TNFSF4: variants seen among roughly 807,000 people sequenced by gnomAD.
TNFSF4 encodes TNF superfamily member 4.
A neutral mutation model predicts 7.3 loss-of-function variants in TNFSF4; 4 were observed. The ratio of observed to expected loss-of-function variants is 0.55; its 90% CI spans 0.27 to 1.25. TNFSF4 has a LOEUF of 1.25. Ranked by LOEUF, TNFSF4 falls within the 50% of genes most tolerant of loss-of-function variation. TNFSF4 has a pLI of 0.12. For synonymous variants in TNFSF4, 76 were observed against 83.7 expected, an observed-to-expected ratio of 0.91 and a Z score of 0.50; for missense variants, 181 against 208.8, an observed-to-expected ratio of 0.87 and a Z score of 0.82.
the TNFSF4 span, among the ~76,000 whole-genome samples, chr1:173,230,981 A>T: frequency 2.0e-5 from 3 of 152,220 alleles, no homozygotes; most frequent in African/African-American, 7.2e-5. Context: ...AAAGCCCAGC[A>T]CCAGATGGAT....
the TNFSF4 span, among the ~76,000 whole-genome samples, chr1:173,214,597 G>C: frequency 6.6e-6 from 1 of 152,184 alleles, no homozygotes; most frequent in South Asian, 2.1e-4. Flanking sequence ...AAAAAGAATT[G>C]CAAAAATGTC....
the TNFSF4 span, among the ~76,000 whole-genome samples, chr1:173,178,010 T>A: frequency 0.18 from 27,882 of 152,130 alleles, 2,725 homozygotes; most frequent in Middle Eastern, 0.26. Context: ...ACCATTAATA[T>A]CATTAGTAAG....
the TNFSF4 span, among the ~76,000 whole-genome samples, chr1:173,302,060 G>C: frequency 6.6e-6 from 1 of 151,738 alleles, no homozygotes; most frequent in Non-Finnish European, 1.5e-5. Flanking sequence ...CTTTTTAAAC[G>C]GCCTTTAATA....
chr1:173,389,812 G>C, the TNFSF4 span, among the ~76,000 whole-genome samples: 1 of 152,040 alleles, frequency 6.6e-6, no homozygotes, highest in Non-Finnish European at 1.5e-5. Flanking sequence ...TCTAATGTCA[G>C]TGACTACTAT....
chr1:173,300,572 T>C, the TNFSF4 span, among the ~76,000 whole-genome samples: 1 of 151,886 alleles, frequency 6.6e-6, no homozygotes, highest in Non-Finnish European at 1.5e-5. Context: ...CTGGATTTTG[T>C]TGATCACTGG....
chr1:173,229,683 G>A, the TNFSF4 span, among the ~76,000 whole-genome samples: 3 of 152,094 alleles, frequency 2.0e-5, no homozygotes, highest in Admixed American at 6.5e-5. Context: ...GTATTCAGGA[G>A]ACCCATCTCA....
chr1:173,428,201 T>A, the TNFSF4 span, among the ~76,000 whole-genome samples: 1 of 152,210 alleles, frequency 6.6e-6, no homozygotes, highest in Non-Finnish European at 1.5e-5. Flanking sequence ...CGCCTCAGCC[T>A]CCCAAAGTGC....
chr1:173,347,905 G>T, the TNFSF4 span, among the ~76,000 whole-genome samples: 1 of 152,188 alleles, frequency 6.6e-6, no homozygotes, highest in Non-Finnish European at 1.5e-5. Context: ...TTTCAAGTGT[G>T]ACAACCAAAA....
the TNFSF4 span, among the ~76,000 whole-genome samples, chr1:173,249,298 T>C: frequency 1.3e-5 from 2 of 152,198 alleles, no homozygotes; most frequent in Non-Finnish European, 2.9e-5. Context: ...AGAGGACTTG[T>C]GAATGCCGAA....
chr1:173,262,065 G>T, the TNFSF4 span, among the ~76,000 whole-genome samples: 1 of 152,008 alleles, frequency 6.6e-6, no homozygotes, highest in Non-Finnish European at 1.5e-5. Flanking sequence ...GATGAACATC[G>T]ATGCAAAAAT....
chr1:173,243,526 T>C, the TNFSF4 span, among the ~76,000 whole-genome samples: 2 of 152,200 alleles, frequency 1.3e-5, no homozygotes, highest in African/African-American at 4.8e-5. Flanking sequence ...TACTATGCAG[T>C]GGATACATGA....
the TNFSF4 span, among the ~76,000 whole-genome samples, chr1:173,394,635 A>C: frequency 6.6e-6 from 1 of 152,108 alleles, no homozygotes; most frequent in Non-Finnish European, 1.5e-5. Context: ...AAGAAAGGAG[A>C]ATTCACCCCT....
At chr1:173,212,419 C>G in the TNFSF4 span, among the ~76,000 whole-genome samples, 1 of 152,044 alleles carries the variant, frequency 6.6e-6, no homozygotes, top group Non-Finnish European at 1.5e-5. Flanking sequence ...TCTCTTTCAC[C>G]ATTACTTTCT....
At chr1:173,259,324 A>AC in the TNFSF4 span, among the ~76,000 whole-genome samples, 57,177 of 151,994 alleles carry the variant, frequency 0.38, 10,928 homozygotes, top group Admixed American at 0.45. Flanking sequence ...AAAAGACCCC[A>AC]AAAAAACCCC....
chr1:173,220,468 T>C, the TNFSF4 span, among the ~76,000 whole-genome samples: 11 of 152,254 alleles, frequency 7.2e-5, no homozygotes, highest in East Asian at 1.7e-3. Context: ...TTGGAGAAAA[T>C]AGACAATAAC....
intron 1 of TNFSF4, among the ~76,000 whole-genome samples, chr1:173,200,392 G>A (rs765567437): frequency 1.2e-4 from 19 of 152,182 alleles, no homozygotes; most frequent in Admixed American, 3.9e-4. Context: ...GACTGTTACT[G>A]CAAGTAGTAC....
At chr1:173,221,168 G>A in the TNFSF4 span, among the ~76,000 whole-genome samples, 3 of 152,212 alleles carry the variant, frequency 2.0e-5, no homozygotes, top group African/African-American at 7.2e-5. Context: ...GCAGAGTAAA[G>A]CAGGTGTGAG....
At chr1:173,301,503 AG>A in the TNFSF4 span, among the ~76,000 whole-genome samples, 1 of 151,920 alleles carries the variant, frequency 6.6e-6, no homozygotes, top group African/African-American at 2.4e-5. Context: ...AATCAAAAGC[AG>A]CTATTAGTAT....
the TNFSF4 span, among the ~76,000 whole-genome samples, chr1:173,400,090 G>C: frequency 6.6e-6 from 1 of 152,200 alleles, no homozygotes; most frequent in African/African-American, 2.4e-5. Context: ...CTTACAGAAT[G>C]ACTTATCCAC....
Sources: gnomAD v4.1 joint callset for allele counts (sites outside exome capture counted in the v4.1 genomes callset) on GRCh38, gnomAD v4.1.1 for gene constraint, MANE v1.5 for transcripts, NCBI Gene and HGNC (gene_info 2026-07-23, HGNC 2026-07-21) for gene names.